The following TMEM45A variants were observed in gnomAD, a reference collection of about 807,000 sequenced individuals.
The protein encoded by TMEM45A is transmembrane protein 45A.
In TMEM45A, 25 loss-of-function variants were observed where a neutral mutation model predicts 32.0. The ratio of observed to expected loss-of-function variants is 0.78; its 90% CI spans 0.57 to 1.09. TMEM45A has a LOEUF of 1.09. Ranked by LOEUF, TMEM45A falls within the 50% of genes least tolerant of loss-of-function variation. TMEM45A has a pLI of 0.00. For synonymous variants in TMEM45A, 122 were observed against 114.8 expected (o/e 1.06, Z -0.40); for missense variants, 302 against 325.0 (o/e 0.93, Z 0.54).
At chr3:100,527,826 T>C (rs1048960017) in intron 1 of TMEM45A, among the ~76,000 whole-genome samples, 1 of 152,190 alleles carries the variant, frequency 6.6e-6, no homozygotes, top group African/African-American at 2.4e-5. Context: ...AGCCCGGGTA[T>C]AATTCAGAAA....
At chr3:100,514,939 A>G (rs1358613647) in intron 1 of TMEM45A, among the ~76,000 whole-genome samples, 1 of 149,756 alleles carries the variant, frequency 6.7e-6, no homozygotes. Flanking sequence ...ACCATCTCAC[A>G]CCAGTTAGAA....
At position 100,550,923 on chromosome 3, in the gene TMEM45A, G is replaced by A. The variant is rs143391290; in HGVS notation, c.-3-4286G>A. On this transcript the variant is annotated intron_variant, in intron 1 of 5. Coordinates refer to ENST00000323523, the MANE Select transcript of TMEM45A (RefSeq NM_018004.3). ...TAGAAGTGGAGGGCTTCTTTGGATG[G>A]GGGAGGAGGAAGAATTTTTAGGATG... 3.7e-3 allele frequency among the ~76,000 whole-genome samples: 557 copies of A among 152,262 alleles called. 4 individuals are homozygous for A. The highest frequency in any genetic ancestry group is 5.6e-3 in the Non-Finnish European group (378 of 68,014).
chr3:100,565,932 G>A (rs186296616), intron 4 of TMEM45A, among the ~76,000 whole-genome samples: 24 of 152,136 alleles, frequency 1.6e-4, no homozygotes, highest in East Asian at 1.5e-3. Context: ...TCACTCTCCC[G>A]TCTCTCCTCC....
At chr3:100,555,117 G>A in intron 1 of TMEM45A, 92 bp from the exon 2 acceptor site, 1 of 1,145,378 alleles carries the variant, frequency 8.7e-7, no homozygotes, top group Middle Eastern at 2.1e-4. Flanking sequence ...ATAATAATCA[G>A]AAGACAGTGT....
At chr3:100,544,723 A>G (rs570920575) in intron 1 of TMEM45A, among the ~76,000 whole-genome samples, 4 of 152,302 alleles carry the variant, frequency 2.6e-5, no homozygotes, top group South Asian at 4.1e-4. Flanking sequence ...GAGATGTATC[A>G]TAGTTTGTTC....
At chr3:100,515,917 T>A (rs1386735799) in intron 1 of TMEM45A, among the ~76,000 whole-genome samples, 1 of 152,148 alleles carries the variant, frequency 6.6e-6, no homozygotes, top group Non-Finnish European at 1.5e-5. Flanking sequence ...TAAGTTCTAG[T>A]GTTTGATAGC....
chr3:100,552,351 GA>G (rs1477571244), intron 1 of TMEM45A, among the ~76,000 whole-genome samples: 2 of 152,190 alleles, frequency 1.3e-5, no homozygotes, highest in African/African-American at 2.4e-5. Flanking sequence ...ATCATGCAAA[GA>G]AGTCACTAAT....
At chr3:100,507,526 A>AG (rs1708094735) in intron 1 of TMEM45A, among the ~76,000 whole-genome samples, 1 of 152,096 alleles carries the variant, frequency 6.6e-6, no homozygotes, top group South Asian at 2.1e-4. Context: ...CTTTTAAAGG[A>AG]GGGGGTCTTA....
At chr3:100,505,224 C>T (rs573085719) in intron 1 of TMEM45A, among the ~76,000 whole-genome samples, 1 of 152,270 alleles carries the variant, frequency 6.6e-6, no homozygotes, top group African/African-American at 2.4e-5. Flanking sequence ...GGGAGAGACA[C>T]CCATCTCACC....
chr3:100,524,989 G>C (rs1282740155), intron 1 of TMEM45A, among the ~76,000 whole-genome samples: 1 of 152,112 alleles, frequency 6.6e-6, no homozygotes, highest in Non-Finnish European at 1.5e-5. Context: ...AGGAGTTGGA[G>C]ACAAGTCTGG....
At chr3:100,517,263 T>C (rs1283351779) in intron 1 of TMEM45A, among the ~76,000 whole-genome samples, 1 of 152,162 alleles carries the variant, frequency 6.6e-6, no homozygotes, top group Non-Finnish European at 1.5e-5. Flanking sequence ...ATTACAGGCA[T>C]GTGCCACCAC....
intron 1 of TMEM45A, among the ~76,000 whole-genome samples, chr3:100,523,319 G>A (rs1246490614): frequency 2.0e-5 from 3 of 152,330 alleles, no homozygotes; most frequent in Non-Finnish European, 2.9e-5. Context: ...TTATGACTGT[G>A]TGGTACCAGG....
intron 4 of TMEM45A, among the ~76,000 whole-genome samples, chr3:100,566,791 T>C (rs1417554721): frequency 6.6e-6 from 1 of 152,180 alleles, no homozygotes; most frequent in African/African-American, 2.4e-5. Flanking sequence ...ACCATTTGTA[T>C]ATTTGCTTTG....
At chr3:100,527,218 G>T (rs1705561709) in intron 1 of TMEM45A, among the ~76,000 whole-genome samples, 1 of 151,922 alleles carries the variant, frequency 6.6e-6, no homozygotes, top group African/African-American at 2.4e-5. Flanking sequence ...ATAAATGAGG[G>T]TCAATAAAAA....
chr3:100,560,817 T>G (rs2148987047), intron 4 of TMEM45A, among the ~76,000 whole-genome samples: 1 of 152,386 alleles, frequency 6.6e-6, no homozygotes, highest in South Asian at 2.1e-4. Context: ...AGTGTTCAGT[T>G]AATAATGACT....
intron 1 of TMEM45A, among the ~76,000 whole-genome samples, chr3:100,540,647 A>T (rs950503646): frequency 2.6e-5 from 4 of 152,216 alleles, no homozygotes; most frequent in African/African-American, 9.6e-5. Flanking sequence ...TTACAAAGAT[A>T]ACATACAATT....
chr3:100,517,660 C>T (rs1252459324), intron 1 of TMEM45A, among the ~76,000 whole-genome samples: 1 of 152,164 alleles, frequency 6.6e-6, no homozygotes, highest in Non-Finnish European at 1.5e-5. Context: ...TTCTTTATTA[C>T]TGTGGATGTG....
At position 100,526,729 on chromosome 3, in the gene TMEM45A, G is replaced by T. The variant is rs544180321; in HGVS notation, c.-3-28480G>T. On this transcript the variant is annotated intron_variant, in intron 1 of 5. Coordinates refer to ENST00000323523, the MANE Select transcript of TMEM45A (RefSeq NM_018004.3). ...AATTCTAGATTTTCTTTTCTCTTTC[G>T]AAATCCATTAGTTTTAGATTGCAAC... is the stretch of plus-strand genomic sequence containing the variant. 6.6e-5 allele frequency among the ~76,000 whole-genome samples: 10 copies of T among 152,160 alleles called. No individual in the cohort carries two copies. The East Asian group carries it at 1.9e-3, about 29-fold the overall frequency.
intron 1 of TMEM45A, among the ~76,000 whole-genome samples, chr3:100,498,306 T>C (rs1267141970): frequency 6.6e-6 from 1 of 152,224 alleles, no homozygotes; most frequent in East Asian, 1.9e-4. Context: ...AATGGAATAA[T>C]ACAGATGAGG....
Sources: allele counts gnomAD v4.1 joint callset (sites outside exome capture counted in the v4.1 genomes callset), GRCh38; gene constraint gnomAD v4.1.1; transcripts MANE v1.5; gene names NCBI Gene and HGNC (gene_info 2026-07-23, HGNC 2026-07-21).